Variants in REEP3 observed in about 807,000 individuals in gnomAD.
The protein encoded by REEP3 is receptor accessory protein 3.
A neutral mutation model predicts 41.3 loss-of-function variants in REEP3; 20 were observed. The ratio of observed to expected loss-of-function variants is 0.48; its 90% CI spans 0.34 to 0.70. The LOEUF is 0.70. REEP3 is among the 30% of genes least tolerant of loss of function. The pLI is 0.01. For missense variants in REEP3, 271 were observed against 308.8 expected, an observed-to-expected ratio of 0.88 and a Z score of 0.92; for synonymous variants, 104 against 101.8, an observed-to-expected ratio of 1.02 and a Z score of -0.13.
intron 1 of REEP3, among the ~76,000 whole-genome samples, chr10:63,523,515 TA>T (rs1307231335): frequency 1.3e-5 from 2 of 152,132 alleles, no homozygotes; most frequent in African/African-American, 4.8e-5. Flanking sequence ...CTCACACCTG[TA>T]ATCCCAGCTA....
chr10:63,567,387 A>ATT (rs1286968524), intron 2 of REEP3, among the ~76,000 whole-genome samples: 1 of 152,176 alleles, frequency 6.6e-6, no homozygotes, highest in Non-Finnish European at 1.5e-5. Context: ...GTCTGTATGT[A>ATT]TTTACCTATC....
At chr10:63,568,268 TG>T (rs1380401825) in intron 2 of REEP3, among the ~76,000 whole-genome samples, 106 of 151,586 alleles carry the variant, frequency 7.0e-4, no homozygotes, top group Non-Finnish European at 1.2e-3. Context: ...AATCCTTGTT[TG>T]TTTTTTTTTT....
At chr10:63,595,784 G>C (rs569720248) in intron 3 of REEP3, among the ~76,000 whole-genome samples, 1 of 152,304 alleles carries the variant, frequency 6.6e-6, no homozygotes, top group East Asian at 1.9e-4. Flanking sequence ...CACCATGTTA[G>C]CCAGGCTGGT....
At chr10:63,613,799 T>C (rs1474333432) in intron 6 of REEP3, among the ~76,000 whole-genome samples, 1 of 152,174 alleles carries the variant, frequency 6.6e-6, no homozygotes, top group Non-Finnish European at 1.5e-5. Context: ...TATCTCTGCC[T>C]CAAATCTTAG....
At chr10:63,552,221 G>A (rs1046511204) in intron 1 of REEP3, among the ~76,000 whole-genome samples, 2 of 151,236 alleles carry the variant, frequency 1.3e-5, no homozygotes, top group South Asian at 2.1e-4. Context: ...TGGCTAACAC[G>A]GTGAAACCCT....
At chr10:63,572,876 A>T (rs182928190) in intron 2 of REEP3, among the ~76,000 whole-genome samples, 17 of 152,312 alleles carry the variant, frequency 1.1e-4, no homozygotes, top group African/African-American at 3.8e-4. Flanking sequence ...TTAAGTAAAT[A>T]TCAAATATTG....
At chr10:63,543,845 G>A (rs999905329) in intron 1 of REEP3, among the ~76,000 whole-genome samples, 4 of 152,096 alleles carry the variant, frequency 2.6e-5, no homozygotes, top group African/African-American at 4.8e-5. Context: ...TACAAAATGT[G>A]TACCGTGTGC....
chr10:63,579,028 A>C (rs1955922730), intron 2 of REEP3, among the ~76,000 whole-genome samples: 1 of 128,702 alleles, frequency 7.8e-6, no homozygotes. Context: ...ATTCTTCACT[A>C]TGTGTTTTTT....
chr10:63,582,843 A>G (rs1955967668), intron 2 of REEP3, among the ~76,000 whole-genome samples: 1 of 152,038 alleles, frequency 6.6e-6, no homozygotes, highest in African/African-American at 2.4e-5. Context: ...GTGCTCCGTT[A>G]CTTGCTGCCC....
chr10:63,576,277 G>A (rs755977436), intron 2 of REEP3, among the ~76,000 whole-genome samples: 2 of 152,244 alleles, frequency 1.3e-5, no homozygotes, highest in Admixed American at 6.5e-5. Flanking sequence ...CCATAAGGAC[G>A]TACCACAAGC....
At chr10:63,532,518 C>G (rs969574408) in intron 1 of REEP3, among the ~76,000 whole-genome samples, 1 of 151,808 alleles carries the variant, frequency 6.6e-6, no homozygotes, top group Non-Finnish European at 1.5e-5. Context: ...AAAAATTATC[C>G]GGGCGTGTTG....
At chr10:63,529,198 A>T (rs1012727767) in intron 1 of REEP3, among the ~76,000 whole-genome samples, 1 of 152,240 alleles carries the variant, frequency 6.6e-6, no homozygotes, top group Non-Finnish European at 1.5e-5. Context: ...TTATTTGGAA[A>T]GAGAGACTGA....
rs931656468 is a variant in REEP3 at position 63,623,062 on chromosome 10, A to G, written c.*2193A>G. On this transcript the variant is annotated 3_prime_UTR_variant, in exon 8 of 8. Transcript: ENST00000373758. ...ATTAAACCTATTCTTTAGTAAACTC[A>G]TATTACTGTTCTAAATTGAAGAAAT... 3.3e-5 allele frequency: 5 copies of G among 152,136 alleles called. No individual in the cohort carries two copies. The highest frequency in any genetic ancestry group is 7.2e-5 in the African/African-American group (3 of 41,434). 9.4% of individuals were successfully genotyped at this position (152,136 alleles called of 1,614,324 possible). A position where few individuals can be genotyped will look rare whatever the true frequency, so the allele number is the denominator to read the frequency against.
chr10:63,586,304 G>C (rs530208353), intron 2 of REEP3, among the ~76,000 whole-genome samples: 1 of 152,232 alleles, frequency 6.6e-6, no homozygotes, highest in East Asian at 1.9e-4. Context: ...TTGTTAAGTA[G>C]GCTAATCTGA....
chr10:63,609,481 C>A (rs1208061298), intron 5 of REEP3, among the ~76,000 whole-genome samples: 1 of 151,198 alleles, frequency 6.6e-6, no homozygotes, highest in Non-Finnish European at 1.5e-5. Context: ...TGCCCTTGGC[C>A]GGGCTTAGTG....
At chr10:63,610,135 T>G in intron 5 of REEP3, 52 bp from the exon 6 acceptor site, 1 of 1,465,786 alleles carries the variant, frequency 6.8e-7, no homozygotes, top group Non-Finnish European at 9.3e-7. Context: ...GATAGTTAAA[T>G]GTAAGCATAC....
At chr10:63,545,353 G>A (rs61853639) in intron 1 of REEP3, among the ~76,000 whole-genome samples, 2 of 151,998 alleles carry the variant, frequency 1.3e-5, no homozygotes, top group Non-Finnish European at 2.9e-5. Flanking sequence ...ATCCTACAGC[G>A]TTATAGAACA....
At chr10:63,563,947 T>C (rs965033694) in intron 1 of REEP3, among the ~76,000 whole-genome samples, 5 of 151,934 alleles carry the variant, frequency 3.3e-5, no homozygotes, top group African/African-American at 1.2e-4. Context: ...ACTGTCAAGG[T>C]GATAAAAAAC....
intron 5 of REEP3, among the ~76,000 whole-genome samples, chr10:63,604,088 A>C (rs1956201224): frequency 6.6e-6 from 1 of 152,242 alleles, no homozygotes; most frequent in Admixed American, 6.5e-5. Flanking sequence ...GTGACCTTTG[A>C]AGAACGGGTA....
Sources: gnomAD v4.1 joint callset for allele counts (sites outside exome capture counted in the v4.1 genomes callset) on GRCh38, gnomAD v4.1.1 for gene constraint, MANE v1.5 for transcripts, NCBI Gene and HGNC (gene_info 2026-07-23, HGNC 2026-07-21) for gene names.